The following DGKB variants were observed in gnomAD, a reference collection of about 807,000 sequenced individuals.
The protein encoded by DGKB is diacylglycerol kinase beta.
In DGKB, 67 loss-of-function variants were observed where a neutral mutation model predicts 114.3. That is an observed-to-expected ratio of 0.59 (90% CI 0.48 to 0.72). The LOEUF (loss-of-function observed/expected upper bound fraction) is 0.72. DGKB is among the 30% of genes least tolerant of loss of function. DGKB has a pLI of 0.00. For synonymous variants in DGKB, 398 were observed against 323.1 expected (o/e 1.23, Z -2.49); for missense variants, 907 against 975.2 (o/e 0.93, Z 0.93).
At chr7:14,351,424 C>A (rs574259585) in intron 21 of DGKB, among the ~76,000 whole-genome samples, 13 of 152,106 alleles carry the variant, frequency 8.5e-5, no homozygotes, top group African/African-American at 2.9e-4. Context: ...GGAGCCTGGT[C>A]GGCAAACGAG....
intron 23 of DGKB, among the ~76,000 whole-genome samples, chr7:14,255,471 A>G (rs1234192817): frequency 6.6e-6 from 1 of 152,294 alleles, no homozygotes; most frequent in African/African-American, 2.4e-5. Context: ...GAAGAAAGAA[A>G]AAAAGAATAA....
At chr7:14,830,595 A>T (rs1846278114) in intron 2 of DGKB, among the ~76,000 whole-genome samples, 1 of 152,016 alleles carries the variant, frequency 6.6e-6, no homozygotes, top group Non-Finnish European at 1.5e-5. Context: ...GAGACAATGG[A>T]TTGCCTTGAT....
intron 25 of DGKB, chr7:14,176,495 A>T: frequency 9.9e-7 from 1 of 1,009,312 alleles, no homozygotes; most frequent in Non-Finnish European, 1.2e-6. Flanking sequence ...TAATATTCTA[A>T]TAATGTGCTC....
chr7:14,948,195 C>A (rs770760349), intron 1 of DGKB, among the ~76,000 whole-genome samples: 7 of 151,706 alleles, frequency 4.6e-5, no homozygotes, highest in Non-Finnish European at 7.4e-5. Context: ...TAACAGATTT[C>A]TTTTCCTAAT....
chr7:14,665,779 C>A (rs1817917814), intron 13 of DGKB, among the ~76,000 whole-genome samples: 1 of 151,894 alleles, frequency 6.6e-6, no homozygotes, highest in East Asian at 1.9e-4. Context: ...CTTAAAGAGC[C>A]ACTTTACCTC....
intron 20 of DGKB, among the ~76,000 whole-genome samples, chr7:14,497,721 G>C (rs1292626784): frequency 6.6e-6 from 1 of 151,892 alleles, no homozygotes; most frequent in Non-Finnish European, 1.5e-5. Context: ...ATTATGCAGA[G>C]AGTGAACAAA....
intron 4 of DGKB, among the ~76,000 whole-genome samples, chr7:14,742,942 C>A (rs947623609): frequency 5.9e-5 from 9 of 152,094 alleles, no homozygotes; most frequent in African/African-American, 1.4e-4. Context: ...TGGAAGGTTT[C>A]TAAATTTAAT....
chr7:14,192,146 C>A, intron 23 of DGKB: 2 of 310,248 alleles, frequency 6.4e-6, no homozygotes, highest in South Asian at 3.1e-5. Flanking sequence ...TAAAAGGCAT[C>A]CAAACTGGGA....
In DGKB at chr7:14,188,658, T is replaced by C. The variant is rs1265661411; in HGVS notation, c.2123-10507A>G. Among the ~76,000 whole-genome samples, 228 of 25,642 alleles carry C rather than the reference T, an allele frequency of 8.9e-3. 10 individuals carry two copies. Among genetic ancestry groups the C allele is most frequent in the African/African-American group, 0.052 (224 of 4,338 alleles). 16.8% of individuals were successfully genotyped at this position (25,642 alleles called of 152,430 possible). A position where few individuals can be genotyped will look rare whatever the true frequency, so the allele number is the denominator to read the frequency against. On this transcript the variant is annotated intron_variant, in intron 23 of 25. Coordinates refer to ENST00000402815, the MANE Select transcript of DGKB (RefSeq NM_001350709.2). ...CTGGGCGACAAAGCGAGACTCCGTC[T>C]CAAAAAAAAAAAAAAAAAAAAAAAA...
chr7:14,211,392 A>G lies in DGKB; in HGVS notation c.2123-33241T>C, dbSNP rs187088458. The stretch of plus-strand genomic sequence containing the variant: ...TCTCGTGTTTTGTGATTTTACTCTC[A>G]TGTTTTGTGATATTTACTCTCATGT... On this transcript the variant is annotated intron_variant, in intron 23 of 25. Coordinates refer to ENST00000402815, the MANE Select transcript of DGKB (RefSeq NM_001350709.2). Among the ~76,000 whole-genome samples the G allele has an allele frequency of 7.0e-3, 409 of 58,544 alleles. 12 individuals are homozygous for G. The highest frequency in any genetic ancestry group is 0.029 in the East Asian group (38 of 1,318). 38.4% of individuals were successfully genotyped at this position (58,544 alleles called of 152,430 possible). A position where few individuals can be genotyped will look rare whatever the true frequency, so the allele number is the denominator to read the frequency against.
chr7:14,187,321 T>C (rs1218214593), intron 23 of DGKB, among the ~76,000 whole-genome samples: 1 of 151,992 alleles, frequency 6.6e-6, no homozygotes, highest in Non-Finnish European at 1.5e-5. Flanking sequence ...CCTGGACAGA[T>C]AGCCACAGGC....
At chr7:14,881,369 G>A (rs1854204955) in intron 1 of DGKB, among the ~76,000 whole-genome samples, 1 of 152,084 alleles carries the variant, frequency 6.6e-6, no homozygotes, top group Admixed American at 6.6e-5. Context: ...TTGAACACTA[G>A]GGAAATTAAC....
intron 1 of DGKB, among the ~76,000 whole-genome samples, chr7:14,898,135 A>G (rs187729148): frequency 4.7e-4 from 71 of 152,160 alleles, no homozygotes; most frequent in African/African-American, 1.6e-3. Flanking sequence ...TCAAAGTGTC[A>G]TGATACTAGA....
intron 21 of DGKB, among the ~76,000 whole-genome samples, chr7:14,413,472 G>C (rs890652833): frequency 6.6e-6 from 1 of 152,104 alleles, no homozygotes; most frequent in African/African-American, 2.4e-5. Flanking sequence ...AATGAGCCTG[G>C]ATCTCAGAGG....
chr7:14,366,991 G>C (rs142100631), intron 21 of DGKB, among the ~76,000 whole-genome samples: 1 of 152,184 alleles, frequency 6.6e-6, no homozygotes, highest in East Asian at 1.9e-4. Flanking sequence ...GTCTACAATG[G>C]TGTGAAAGCA....
At chr7:14,374,472 C>G (rs546829953) in intron 21 of DGKB, among the ~76,000 whole-genome samples, 9 of 152,298 alleles carry the variant, frequency 5.9e-5, no homozygotes, top group African/African-American at 1.9e-4. Context: ...CCATTAGAAT[C>G]ATTTGCAAAC....
intron 1 of DGKB, among the ~76,000 whole-genome samples, chr7:14,968,480 C>A (rs1342182100): frequency 1.3e-5 from 2 of 152,120 alleles, no homozygotes; most frequent in Non-Finnish European, 2.9e-5. Flanking sequence ...TTAATAAGTT[C>A]TTTGATGATT....
intron 13 of DGKB, among the ~76,000 whole-genome samples, chr7:14,641,559 G>C (rs1402154892): frequency 2.0e-5 from 3 of 148,558 alleles, no homozygotes. Context: ...TGATTTTTTT[G>C]TAATAGATGT....
At chr7:14,710,702 C>T (rs1827217016) in intron 6 of DGKB, among the ~76,000 whole-genome samples, 1 of 151,986 alleles carries the variant, frequency 6.6e-6, no homozygotes, top group African/African-American at 2.4e-5. Context: ...TTTGCTATTA[C>T]AGTTGTTTTG....
Sources: gnomAD v4.1 joint callset for allele counts (sites outside exome capture counted in the v4.1 genomes callset) on GRCh38, gnomAD v4.1.1 for gene constraint, MANE v1.5 for transcripts, NCBI Gene and HGNC (gene_info 2026-07-23, HGNC 2026-07-21) for gene names.